Variants in METAP1 observed in about 807,000 individuals in gnomAD.
The protein encoded by METAP1 is methionyl aminopeptidase 1, also known as methionine aminopeptidase 1.
Under a neutral mutation model 53.8 loss-of-function variants are expected in METAP1, and 28 were observed. The observed-to-expected ratio is 0.52, with a 90% confidence interval of 0.39 to 0.71. The LOEUF (loss-of-function observed/expected upper bound fraction) is 0.71. Ranked by LOEUF, METAP1 falls within the 30% of genes least tolerant of loss-of-function variation. The pLI, the probability that METAP1 is intolerant of heterozygous loss-of-function variation, is 0.00. For synonymous variants in METAP1, 181 were observed against 165.7 expected (o/e 1.09, Z -0.71); for missense variants, 389 against 479.8 (o/e 0.81, Z 1.77).
At position 99,062,583 on chromosome 4, in the gene METAP1, A is replaced by G. The variant is rs1727616172; in HGVS notation, c.*1266A>G. The stretch of plus-strand genomic sequence containing the variant: ...ACTGACACATTATACTTGTAAGAGA[A>G]CATCTTTCCCAGAGTGCCTCAGACC... On this transcript the variant is annotated 3_prime_UTR_variant, in exon 11 of 11. Coordinates refer to ENST00000296411, the MANE Select transcript of METAP1 (RefSeq NM_015143.3). 1 of 152,668 alleles carries G rather than the reference A, an allele frequency of 6.6e-6. No homozygotes were observed. The allele number at this position is 152,668 out of a possible 1,614,324, so 9.5% of individuals were successfully genotyped here. A position where few individuals can be genotyped will look rare whatever the true frequency, so the allele number is the denominator to read the frequency against.
chr4:99,035,173 A>T lies in METAP1; in HGVS notation c.280-227A>T, dbSNP rs17028393. 7.2e-3 allele frequency among the ~76,000 whole-genome samples: 1,096 copies of T among 152,230 alleles called. 8 individuals carry two copies. Among genetic ancestry groups the T allele is most frequent in the African/African-American group, 0.025 (1,037 of 41,544 alleles). On this transcript the variant is annotated intron_variant, in intron 3 of 10. Coordinates refer to ENST00000296411, the MANE Select transcript of METAP1 (RefSeq NM_015143.3). ...GTGTCTTGTTATTAGTCTCTGTCTAATCTTAAATCCTTAATGGCCTTGGCC... is the reference window on the plus strand; with the variant it reads ...GTGTCTTGTTATTAGTCTCTGTCTATTCTTAAATCCTTAATGGCCTTGGCC...
At chr4:99,058,389 A>G (rs993386996) in intron 10 of METAP1, among the ~76,000 whole-genome samples, 1 of 152,086 alleles carries the variant, frequency 6.6e-6, no homozygotes, top group Non-Finnish European at 1.5e-5. Flanking sequence ...ATCACGTGGC[A>G]TCATATAGCT....
At chr4:99,014,015 G>C (rs146247799) in intron 1 of METAP1, among the ~76,000 whole-genome samples, 1 of 152,134 alleles carries the variant, frequency 6.6e-6, no homozygotes, top group Non-Finnish European at 1.5e-5. Context: ...CAACCTTTCC[G>C]AATAGGGTGG....
In METAP1 at chr4:99,061,507, A is replaced by T; in HGVS notation, c.*190A>T. The T allele has an allele frequency of 2.1e-6, 1 of 470,708 alleles. No individual in the cohort carries two copies. Among genetic ancestry groups the T allele is most frequent in the East Asian group, 3.6e-5 (1 of 27,974 alleles). The allele number at this position is 470,708 out of a possible 1,614,324, so 29.2% of individuals were successfully genotyped here. On this transcript the variant is annotated 3_prime_UTR_variant, in exon 11 of 11. Transcript: ENST00000296411. ...CTGAAAAAGCTGAGAAGAATAAAGG[A>T]AACATTGCTCAACTCTTCAGCCCCC...
intron 1 of METAP1, among the ~76,000 whole-genome samples, chr4:98,998,442 G>T (rs1419557686): frequency 6.6e-6 from 1 of 152,204 alleles, no homozygotes; most frequent in African/African-American, 2.4e-5. Flanking sequence ...AGAATCACTT[G>T]AACCTGGGTG....
chr4:99,022,555 C>G (rs1326855595), intron 1 of METAP1: 5 of 642,128 alleles, frequency 7.8e-6, no homozygotes, highest in Non-Finnish European at 1.4e-5. Context: ...AAAGCATTGT[C>G]CCCATTCCAC....
chr4:99,029,074 T>C (rs1314182147), intron 2 of METAP1, among the ~76,000 whole-genome samples, 156 bp downstream of exon 2: 3 of 152,224 alleles, frequency 2.0e-5, no homozygotes, highest in South Asian at 2.1e-4. Flanking sequence ...TTTTGTGATA[T>C]GTAAATAAAA....
At chr4:99,012,605 C>T (rs1723534311) in intron 1 of METAP1, among the ~76,000 whole-genome samples, 1 of 146,792 alleles carries the variant, frequency 6.8e-6, no homozygotes, top group South Asian at 2.3e-4. Flanking sequence ...TATATGTTTA[C>T]AGCTGTAGAC....
chr4:98,996,063 G>T lies in METAP1; in HGVS notation c.114+196G>T, dbSNP rs534838516. On this transcript the variant is annotated intron_variant, in intron 1 of 10. Coordinates refer to ENST00000296411, the MANE Select transcript of METAP1 (RefSeq NM_015143.3). ...GGGTCCCTGGGTCCTCGGGAACCGC[G>T]CTGGGCTCACGCGGGGGCGGGGGCG... Among the ~76,000 whole-genome samples, 181 of 152,260 alleles carry T rather than the reference G, an allele frequency of 1.2e-3. 3 individuals carry two copies. The highest frequency in any genetic ancestry group is 4.0e-3 in the African/African-American group (165 of 41,554).
chr4:99,012,542 T>C (rs1003961449), intron 1 of METAP1, among the ~76,000 whole-genome samples: 2 of 152,036 alleles, frequency 1.3e-5, no homozygotes, highest in Non-Finnish European at 2.9e-5. Flanking sequence ...CCCAAAGTGC[T>C]GGGATTACAG....
At chr4:99,003,709 C>CA (rs1332437935) in intron 1 of METAP1, among the ~76,000 whole-genome samples, 1 of 152,142 alleles carries the variant, frequency 6.6e-6, no homozygotes, top group Non-Finnish European at 1.5e-5. Flanking sequence ...GAAAAAAACT[C>CA]AAACTTTTTT....
intron 1 of METAP1, among the ~76,000 whole-genome samples, chr4:99,015,294 A>G (rs777011204): frequency 1.3e-5 from 2 of 152,192 alleles, no homozygotes; most frequent in Admixed American, 6.5e-5. Flanking sequence ...ACTAATTGGG[A>G]TAATAGAAGT....
At chr4:99,015,549 C>G (rs1560699712) in intron 1 of METAP1, among the ~76,000 whole-genome samples, 1 of 152,210 alleles carries the variant, frequency 6.6e-6, no homozygotes, top group African/African-American at 2.4e-5. Context: ...ACAAACCCCT[C>G]CTGTAGAGGT....
At chr4:99,049,333 T>C (rs898523888) in intron 9 of METAP1, among the ~76,000 whole-genome samples, 1 of 152,170 alleles carries the variant, frequency 6.6e-6, no homozygotes, top group African/African-American at 2.4e-5. Context: ...CGTAATCTAA[T>C]TGTGTTATGG....
rs76119024 is a variant in METAP1 at position 99,007,944 on chromosome 4, G to A, written c.114+12077G>A. ...AATGTTTTTAGAAATCTACATCTGA[G>A]TGCTAGGTATGCTTCCTCCTGTAAT... On this transcript the variant is annotated intron_variant, in intron 1 of 10. Transcript: ENST00000296411. 4.0e-3 allele frequency among the ~76,000 whole-genome samples: 616 copies of A among 152,284 alleles called. 5 individuals are homozygous for A. Among genetic ancestry groups the A allele is most frequent in the African/African-American group, 0.011 (460 of 41,566 alleles).
intron 2 of METAP1, among the ~76,000 whole-genome samples, chr4:99,033,624 C>G (rs1171549155): frequency 6.6e-6 from 1 of 152,198 alleles, no homozygotes; most frequent in African/African-American, 2.4e-5. Context: ...CGTTCCCTCC[C>G]TTGTCTTTGC....
At position 99,057,787 on chromosome 4, in the gene METAP1, T is replaced by C. The variant is rs1202934847; in HGVS notation, c.966T>C (p.His322=). 2 of 1,597,092 alleles carry C rather than the reference T, an allele frequency of 1.3e-6. No individual in the cohort carries two copies. The highest frequency in any genetic ancestry group is 3.5e-5 in the Admixed American group (2 of 57,776). The change falls in exon 10 of 11, where the codon CAT becomes CAC. Residue 322 remains histidine (H), a synonymous_variant. Coordinates refer to ENST00000296411, the MANE Select transcript of METAP1 (RefSeq NM_015143.3). ...CAGTTGGAGTGATGAAGTCGGGCCA[T>C]GTATTTACAATTGAGCCAATGATTT... is the stretch of plus-strand genomic sequence containing the variant. ...NKAVGVMKSG[H]VFTIEPMICE...
intron 1 of METAP1, among the ~76,000 whole-genome samples, chr4:98,996,465 G>A (rs1479093766): frequency 1.3e-5 from 2 of 152,244 alleles, no homozygotes; most frequent in African/African-American, 2.4e-5. Context: ...ACCGTGCTTT[G>A]ACACTTAAGC....
At chr4:99,006,697 TTTTG>T (rs1326707730) in intron 1 of METAP1, among the ~76,000 whole-genome samples, 2 of 152,178 alleles carry the variant, frequency 1.3e-5, no homozygotes, top group African/African-American at 4.8e-5. Flanking sequence ...ATAAAAGCTT[TTTTG>T]TTTGTTTTGC....
Sources: allele counts gnomAD v4.1 joint callset (sites outside exome capture counted in the v4.1 genomes callset), GRCh38; gene constraint gnomAD v4.1.1; transcripts MANE v1.5; gene names NCBI Gene and HGNC (gene_info 2026-07-23, HGNC 2026-07-21).